TSC22D2: variants seen among roughly 807,000 people sequenced by gnomAD.
TSC22D2 encodes TSC22 domain family member 2, also known as TSC22 domain family protein 2.
TSC22D2 carries 5 observed loss-of-function variants against 50.1 expected under a neutral mutation model. The observed-to-expected ratio is 0.10, with a 90% CI of 0.05 to 0.21. The LOEUF is 0.21. TSC22D2 is among the 10% of genes least tolerant of loss of function. The pLI, the probability that TSC22D2 is intolerant of heterozygous loss-of-function variation, is 1.00. For synonymous variants in TSC22D2, 501 were observed against 450.1 expected (o/e 1.11, Z -1.43); for missense variants, 1,003 against 1,015.5 (o/e 0.99, Z 0.17).
At position 150,410,679 on chromosome 3, in the gene TSC22D2, A is replaced by C; in HGVS notation, c.1329A>C (p.Pro443=). 1 of 1,560,664 alleles carries C rather than the reference A, an allele frequency of 6.4e-7. No homozygotes were observed. The highest frequency in any genetic ancestry group is 8.7e-7 in the Non-Finnish European group (1 of 1,154,848). The change falls in exon 1 of 3, where the codon CCA becomes CCC. Residue 443 remains proline (P), a synonymous_variant. Coordinates refer to ENST00000688009, the MANE Select transcript of TSC22D2 (RefSeq NM_001303264.2). ...PSEAMAPRTG[P]AQGGQVAPCQ... Reference sequence around the variant, plus strand: ...AAGCCATGGCCCCCCGGACGGGACCAGCGCAAGGCGGGCAGGTCGCGCCTT... The same window carrying C: ...AAGCCATGGCCCCCCGGACGGGACCCGCGCAAGGCGGGCAGGTCGCGCCTT...
chr3:150,434,158 T>G (rs1330022028), intron 1 of TSC22D2, among the ~76,000 whole-genome samples: 3 of 151,770 alleles, frequency 2.0e-5, no homozygotes, highest in Non-Finnish European at 4.4e-5. Context: ...TTTTGTTTTT[T>G]TTTTTTTTGG....
chr3:150,411,062 G>T lies in TSC22D2; in HGVS notation c.1712G>T (p.Ser571Ile). Reference sequence around the variant, plus strand: ...CCAGGCACACACAGCGCACCAACAAGTCTACCACAGTCTGACCTAAGCCAG... The same window carrying T: ...CCAGGCACACACAGCGCACCAACAATTCTACCACAGTCTGACCTAAGCCAG... The part of the protein sequence containing the change: ...LAPGTHSAPT[S>I]LPQSDLSQFQ... Residue 571 changes from serine to isoleucine, a missense_variant, in exon 1 of 3, where the codon AGT becomes ATT. Physicochemically the swap from Ser to Ile is moderately radical, Grantham distance 142. Coordinates refer to ENST00000688009, the MANE Select transcript of TSC22D2 (RefSeq NM_001303264.2). The T allele has an allele frequency of 6.2e-7, 1 of 1,614,182 alleles. No individual in the cohort carries two copies. Among genetic ancestry groups the T allele is most frequent in the Non-Finnish European group, 8.5e-7 (1 of 1,180,034 alleles).
In TSC22D2 at chr3:150,462,639, C is replaced by CTTTTTTTTTTTTTT. The variant is rs59588626; in HGVS notation, c.*4005_*4018dup. On this transcript the variant is annotated 3_prime_UTR_variant, in exon 3 of 3. Transcript: ENST00000688009. ...TGCCTATTTTCTTTTTTTCTTTTTTCTTTTTTTTTTTTTTTGAGACAGAGT... is the reference window on the plus strand; with the variant it reads ...TGCCTATTTTCTTTTTTTCTTTTTTCTTTTTTTTTTTTTTTTTTTTTTTTTTTTTGAGACAGAGT... 7.5e-6 allele frequency: 1 copy of CTTTTTTTTTTTTTT among 133,110 alleles called. No individual in the cohort carries two copies. Among genetic ancestry groups the CTTTTTTTTTTTTTT allele is most frequent in the Non-Finnish European group, 1.6e-5 (1 of 64,030 alleles). 8.2% of individuals were successfully genotyped at this position (133,110 alleles called of 1,614,324 possible). A position where few individuals can be genotyped will look rare whatever the true frequency, so the allele number is the denominator to read the frequency against.
At chr3:150,447,188 AT>A (rs1270540752) in intron 1 of TSC22D2, among the ~76,000 whole-genome samples, 1 of 152,204 alleles carries the variant, frequency 6.6e-6, no homozygotes, top group Non-Finnish European at 1.5e-5. Flanking sequence ...AAGAAATAAT[AT>A]GTTGAATGCT....
intron 1 of TSC22D2, chr3:150,456,840 T>A (rs1427453538): frequency 3.1e-5 from 15 of 483,570 alleles, no homozygotes; most frequent in Non-Finnish European, 4.8e-5. Context: ...CATACATGTA[T>A]TACAGGCAAA....
intron 1 of TSC22D2, among the ~76,000 whole-genome samples, chr3:150,429,932 A>G (rs1720327234): frequency 1.3e-5 from 2 of 152,132 alleles, no homozygotes; most frequent in South Asian, 4.1e-4. Flanking sequence ...AATGAAGCTG[A>G]GGGAAAATAC....
chr3:150,445,797 GTGGT>G (rs1720868007), intron 1 of TSC22D2, among the ~76,000 whole-genome samples: 1 of 152,138 alleles, frequency 6.6e-6, no homozygotes, highest in African/African-American at 2.4e-5. Context: ...CCACTAGTAA[GTGGT>G]TGGAGTTTGG....
rs146271725 is a variant in TSC22D2 at position 150,436,811 on chromosome 3, A to G, written c.1959-20265A>G. 1.7e-3 allele frequency among the ~76,000 whole-genome samples: 266 copies of G among 152,356 alleles called. 1 individual carries two copies. The highest frequency in any genetic ancestry group is 6.1e-3 in the African/African-American group (253 of 41,590). ...AAAAATTCTAATAGTTTTTCAGACT[A>G]CGTGAGAGACTTAAGTGACCATGTG... On this transcript the variant is annotated intron_variant, in intron 1 of 2. Transcript: ENST00000688009.
chr3:150,420,115 T>G (rs1217528000), intron 1 of TSC22D2, among the ~76,000 whole-genome samples: 1 of 152,196 alleles, frequency 6.6e-6, no homozygotes, highest in Non-Finnish European at 1.5e-5. Context: ...AGCCTTTTCC[T>G]TGGGCTCTTA....
Position 150,461,038 on chromosome 3 carries a change from G to A in TSC22D2, c.*2402G>A, listed in dbSNP as rs953474399. 12 of 152,144 alleles carry A rather than the reference G, an allele frequency of 7.9e-5. No individual in the cohort carries two copies. The highest frequency in any genetic ancestry group is 2.2e-4 in the African/African-American group (9 of 41,438). The allele number at this position is 152,144 out of a possible 1,614,324, so 9.4% of individuals were successfully genotyped here. ...AGAAATGCAAATTAATGTTTTTGGC[G>A]AATTGTAATAAGTGTCCTAAGTAGC... is the stretch of plus-strand genomic sequence containing the variant. On this transcript the variant is annotated 3_prime_UTR_variant, in exon 3 of 3. Coordinates refer to ENST00000688009, the MANE Select transcript of TSC22D2 (RefSeq NM_001303264.2).
intron 1 of TSC22D2, chr3:150,438,278 C>T (rs1316763185): frequency 4.9e-6 from 2 of 405,182 alleles, no homozygotes; most frequent in Non-Finnish European, 1.0e-5. Flanking sequence ...GTTGTGATGC[C>T]CTCACATGGT....
In TSC22D2 at chr3:150,442,101, G is replaced by C. The variant is rs867413516; in HGVS notation, c.1959-14975G>C. 6.6e-5 allele frequency among the ~76,000 whole-genome samples: 10 copies of C among 152,002 alleles called. No individual in the cohort carries two copies. The South Asian group carries it at 1.5e-3, about 22-fold the overall frequency. ...GTCCTTGTCGTTTAAGTTTTCTAAT[G>C]TGGCCAACTGCACCTACTGTTCTTT... is the stretch of plus-strand genomic sequence containing the variant. On this transcript the variant is annotated intron_variant, in intron 1 of 2. Coordinates refer to ENST00000688009, the MANE Select transcript of TSC22D2 (RefSeq NM_001303264.2).
chr3:150,450,456 G>T (rs1321413136), intron 1 of TSC22D2, among the ~76,000 whole-genome samples: 4 of 150,926 alleles, frequency 2.7e-5, no homozygotes, highest in East Asian at 1.9e-4. Context: ...GGCATTTTGG[G>T]TTTTTTTTTA....
intron 1 of TSC22D2, among the ~76,000 whole-genome samples, chr3:150,413,512 G>A (rs183074055): frequency 6.7e-6 from 1 of 149,678 alleles, no homozygotes; most frequent in East Asian, 1.9e-4. Context: ...AACATACCTG[G>A]TGAAGGAATA....
At position 150,459,601 on chromosome 3, in the gene TSC22D2, T is replaced by A. The variant is rs1443277368; in HGVS notation, c.*965T>A. The A allele has an allele frequency of 1.3e-5, 2 of 150,018 alleles. No individual in the cohort carries two copies. The highest frequency in any genetic ancestry group is 1.5e-5 in the Non-Finnish European group (1 of 67,482). The allele number at this position is 150,018 out of a possible 1,614,324, so 9.3% of individuals were successfully genotyped here. ...TTTTTTTTTTGTCTTTTTTTTTTTT[T>A]ATAATGCACATTCTTTATGTATTTT... On this transcript the variant is annotated 3_prime_UTR_variant, in exon 3 of 3. Coordinates refer to ENST00000688009, the MANE Select transcript of TSC22D2 (RefSeq NM_001303264.2).
chr3:150,458,778 C>A lies in TSC22D2; in HGVS notation c.*142C>A. On this transcript the variant is annotated 3_prime_UTR_variant, in exon 3 of 3. Transcript: ENST00000688009. ...TTTTCAGTATTAGACAATCATTCTA[C>A]AAGAGCTTTTCCTCTCTCTGAGATG... The A allele has an allele frequency of 9.4e-7, 1 of 1,063,148 alleles. No homozygotes were observed. Among genetic ancestry groups the A allele is most frequent in the Non-Finnish European group, 1.3e-6 (1 of 741,110 alleles). 65.9% of individuals were successfully genotyped at this position (1,063,148 alleles called of 1,614,324 possible).
At chr3:150,416,583 T>G (rs565593814) in intron 1 of TSC22D2, among the ~76,000 whole-genome samples, 7 of 152,270 alleles carry the variant, frequency 4.6e-5, no homozygotes, top group African/African-American at 1.7e-4. Flanking sequence ...ATAATGTCTT[T>G]CCCACAGCAA....
rs1205751432 is a variant in TSC22D2, at chr3:150,465,424, T to A, written c.*6788T>A. 6.6e-6 allele frequency: 1 copy of A among 152,094 alleles called. No homozygotes were observed. Among genetic ancestry groups the A allele is most frequent in the Non-Finnish European group, 1.5e-5 (1 of 68,008 alleles). 9.4% of individuals were successfully genotyped at this position (152,094 alleles called of 1,614,324 possible). ...CATACAAATCAAAAGCTGGAAAGGG[T>A]GTGGAAAAACAGGAATACATTGCTA... On this transcript the variant is annotated 3_prime_UTR_variant, in exon 3 of 3. Coordinates refer to ENST00000688009, the MANE Select transcript of TSC22D2 (RefSeq NM_001303264.2).
At chr3:150,454,303 CCA>C (rs1721125728) in intron 1 of TSC22D2, among the ~76,000 whole-genome samples, 1 of 152,014 alleles carries the variant, frequency 6.6e-6, no homozygotes, top group African/African-American at 2.4e-5. Context: ...AACATATGTT[CCA>C]CAGACTACAA....
Sources: gnomAD v4.1 joint callset for allele counts (sites outside exome capture counted in the v4.1 genomes callset) on GRCh38, gnomAD v4.1.1 for gene constraint, MANE v1.5 for transcripts, NCBI Gene and HGNC (gene_info 2026-07-23, HGNC 2026-07-21) for gene names.